The following AKAP1 variants were observed in gnomAD, a reference collection of about 807,000 sequenced individuals.
The protein encoded by AKAP1 is A-kinase anchor protein 1, mitochondrial.
Under a neutral mutation model 79.8 loss-of-function variants are expected in AKAP1, and 32 were observed. That is an observed-to-expected ratio of 0.40 (90% CI 0.30 to 0.54). The LOEUF (loss-of-function observed/expected upper bound fraction) is 0.54, where lower values mean the gene tolerates loss of function less well. Ranked by LOEUF, AKAP1 falls within the 20% of genes least tolerant of loss-of-function variation. AKAP1 has a pLI of 0.47. For missense variants in AKAP1, 961 were observed against 1,138.9 expected, an observed-to-expected ratio of 0.84 and a Z score of 2.25; for synonymous variants, 416 against 466.7, an observed-to-expected ratio of 0.89 and a Z score of 1.40.
intron 1 of AKAP1, among the ~76,000 whole-genome samples, chr17:57,099,145 G>C (rs1441439510): frequency 6.6e-6 from 1 of 151,464 alleles, no homozygotes; most frequent in Non-Finnish European, 1.5e-5. Flanking sequence ...GGTGCCCTTA[G>C]TGAGACCCAG....
intron 5 of AKAP1, among the ~76,000 whole-genome samples, chr17:57,113,411 T>G (rs539924741): frequency 1.3e-5 from 2 of 152,040 alleles, no homozygotes; most frequent in East Asian, 3.9e-4. Context: ...TGTTTTTTTG[T>G]TTTTTTATGG....
At chr17:57,113,598 T>A (rs1223916895) in intron 5 of AKAP1, among the ~76,000 whole-genome samples, 2 of 131,422 alleles carry the variant, frequency 1.5e-5, no homozygotes, top group Non-Finnish European at 3.2e-5. Flanking sequence ...CACTCTCTTT[T>A]TTTTTTTTTT....
chr17:57,102,131 C>A (rs188366905), intron 1 of AKAP1, among the ~76,000 whole-genome samples: 33 of 152,158 alleles, frequency 2.2e-4, no homozygotes, highest in Admixed American at 3.9e-4. Flanking sequence ...AGGGACTAGT[C>A]TCACTGTGTT....
chr17:57,093,171 A>G lies in AKAP1; in HGVS notation c.-25+7773A>G, dbSNP rs563637251. 3 of 152,372 alleles carry G rather than the reference A, an allele frequency of 2.0e-5. No homozygotes were observed. The East Asian group carries it at 5.8e-4, about 29-fold the overall frequency. The allele number at this position is 152,372 out of a possible 1,614,324, so 9.4% of individuals were successfully genotyped here. On this transcript the variant is annotated intron_variant, in intron 1 of 10. Coordinates refer to ENST00000337714, the MANE Select transcript of AKAP1 (RefSeq NM_003488.4). Reference sequence around the variant, plus strand: ...GGTGCCCTGCTACACGCACAGGGATATAGGTAATTCATCACATGCAAGGGC... The same window carrying G: ...GGTGCCCTGCTACACGCACAGGGATGTAGGTAATTCATCACATGCAAGGGC...
At chr17:57,110,470 A>AC (rs1295800376) in intron 3 of AKAP1, among the ~76,000 whole-genome samples, 1 of 151,828 alleles carries the variant, frequency 6.6e-6, no homozygotes, top group Non-Finnish European at 1.5e-5. Flanking sequence ...TGGAAAAAAA[A>AC]CACCAAGGCC....
At chr17:57,113,595 T>TC (rs1491187916) in intron 5 of AKAP1, among the ~76,000 whole-genome samples, 2 of 79,216 alleles carry the variant, frequency 2.5e-5, no homozygotes, top group African/African-American at 8.4e-5. Flanking sequence ...ACTCACTCTC[T>TC]TTTTTTTTTT....
chr17:57,108,123 T>A, intron 2 of AKAP1: 1 of 812,500 alleles, frequency 1.2e-6, no homozygotes, highest in South Asian at 2.1e-5. Context: ...AGGCCACGAA[T>A]ATCCCGAGTG....
At chr17:57,114,993 G>A (rs901904691) in intron 6 of AKAP1, among the ~76,000 whole-genome samples, 1 of 151,606 alleles carries the variant, frequency 6.6e-6, no homozygotes, top group Admixed American at 6.6e-5. Flanking sequence ...CCAGGAATTA[G>A]TGTTGAATAC....
At chr17:57,115,362 G>A (rs1187070864) in intron 6 of AKAP1, among the ~76,000 whole-genome samples, 1 of 152,166 alleles carries the variant, frequency 6.6e-6, no homozygotes, top group Admixed American at 6.5e-5. Context: ...CTCTAAAGTT[G>A]CCTTAACCCA....
chr17:57,114,177 T>C (rs1361847340), intron 5 of AKAP1, among the ~76,000 whole-genome samples: 2 of 152,182 alleles, frequency 1.3e-5, no homozygotes, highest in Non-Finnish European at 2.9e-5. Context: ...CCGCAGTTGC[T>C]TCTTGGTTGC....
At chr17:57,095,527 C>G (rs1308641757) in intron 1 of AKAP1, 1 of 148,172 alleles carries the variant, frequency 6.7e-6, no homozygotes, top group African/African-American at 2.5e-5. Flanking sequence ...GAAAGTGCCT[C>G]GAGGGCAGTG....
intron 3 of AKAP1, 82 bp from the exon 4 acceptor site, chr17:57,111,716 G>T: frequency 6.5e-7 from 1 of 1,533,532 alleles, no homozygotes. Flanking sequence ...GCATGATCTT[G>T]TGTAAAACAG....
rs747160468 is a variant in AKAP1 at position 57,120,247 on chromosome 17, T to C, written c.2638-3T>C. The C allele has an allele frequency of 1.2e-6, 2 of 1,612,162 alleles. No individual in the cohort carries two copies. Among genetic ancestry groups the C allele is most frequent in the South Asian group, 1.1e-5 (1 of 90,978 alleles). ...AAAGCTTTAAGGGAACTTTCTTTTC[T>C]AGGTGGTGTTGATAAACCGGTCCCT... On this transcript the variant is annotated splice_region_variant and splice_polypyrimidine_tract_variant and intron_variant, in intron 10 of 10. Transcript: ENST00000337714.
intron 2 of AKAP1, chr17:57,108,109 A>G (rs944739513): frequency 2.0e-6 from 2 of 981,482 alleles, no homozygotes; most frequent in East Asian, 1.8e-4. Flanking sequence ...TATCTCATGG[A>G]GAGAGGCCAC....
intron 1 of AKAP1, among the ~76,000 whole-genome samples, chr17:57,099,019 C>A (rs909526967): frequency 6.6e-6 from 1 of 151,910 alleles, no homozygotes; most frequent in African/African-American, 2.4e-5. Flanking sequence ...CCCGCCTCGG[C>A]CTCCCAAAGT....
intron 1 of AKAP1, chr17:57,092,935 TGCCTGGAACTTTCTCCCC>T (rs1913869746): frequency 6.5e-6 from 1 of 152,724 alleles, no homozygotes; most frequent in African/African-American, 2.4e-5. Flanking sequence ...ATGTTCTTCC[TGCCTGGAACTTTCTCCCC>T]GCTCTCCTCC....
Position 57,106,475 on chromosome 17 carries a change from C to A in AKAP1, c.1011C>A (p.Gly337=), listed in dbSNP as rs773879622. 21 of 1,610,852 alleles carry A rather than the reference C, an allele frequency of 1.3e-5. No homozygotes were observed. Among genetic ancestry groups the A allele is most frequent in the Non-Finnish European group, 1.7e-5 (20 of 1,179,844 alleles). The change falls in exon 2 of 11, where the codon GGC becomes GGA. Residue 337 remains glycine, a synonymous_variant. Coordinates refer to ENST00000337714, the MANE Select transcript of AKAP1 (RefSeq NM_003488.4). ...AGAGCTTGGATAGAAATGAGGAGGG[C>A]TTGGATAGAAATGAGGAGATTAAGC... The part of the protein sequence containing the change: ...NEESLDRNEE[G]LDRNEEIKRA...
chr17:57,111,131 A>G (rs1915218882), intron 3 of AKAP1, among the ~76,000 whole-genome samples: 1 of 152,078 alleles, frequency 6.6e-6, no homozygotes, highest in South Asian at 2.1e-4. Context: ...AGGATGGACC[A>G]TGTCCCCAGT....
chr17:57,120,226 C>G lies in AKAP1; in HGVS notation c.2638-24C>G, dbSNP rs1915846845. 3.1e-6 allele frequency: 5 copies of G among 1,607,146 alleles called. No homozygotes were observed. In the Admixed American group the frequency reaches 8.6e-5, roughly 28 times the overall value. On this transcript the variant is annotated intron_variant, in intron 10 of 10. Coordinates refer to ENST00000337714, the MANE Select transcript of AKAP1 (RefSeq NM_003488.4). ...GGCCCCAGGATGCCATGGACAAAAG[C>G]TTTAAGGGAACTTTCTTTTCTAGGT...
Sources: gnomAD v4.1 joint callset for allele counts (sites outside exome capture counted in the v4.1 genomes callset) on GRCh38, gnomAD v4.1.1 for gene constraint, MANE v1.5 for transcripts, NCBI Gene and HGNC (gene_info 2026-07-23, HGNC 2026-07-21) for gene names.